The following EVA1C variants were observed in gnomAD, a reference collection of about 807,000 sequenced individuals.
EVA1C encodes protein eva-1 homolog C.
In EVA1C, 25 loss-of-function variants were observed where a neutral mutation model predicts 45.4. The observed-to-expected ratio is 0.55, with a 90% CI of 0.40 to 0.77. The LOEUF is 0.77. EVA1C is among the 30% of genes least tolerant of loss of function. The pLI, the probability that EVA1C is intolerant of heterozygous loss-of-function variation, is 0.00. For synonymous variants in EVA1C, 190 were observed against 221.2 expected (o/e 0.86, Z 1.25); for missense variants, 479 against 554.8 (o/e 0.86, Z 1.37).
At position 32,495,102 on chromosome 21, in the gene EVA1C, A is replaced by G. The variant is rs1291340956; in HGVS notation, c.710A>G (p.Asn237Ser). Residue 237 changes from asparagine (N) to serine (S), a missense_variant, in exon 5 of 8, where the codon AAC becomes AGC. This residue lies in a region of EVA1C where 366 missense variants were observed against 426.1 expected (regional missense o/e 0.86). Transcript: ENST00000300255. ...YGKQRCKIIV[N>S]NHHFGSPCLP... Reference sequence around the variant, plus strand: ...AAGCAGAGATGCAAAATCATCGTCAACAATCACCATTTTGGAAGCCCCTGT... The same window carrying G: ...AAGCAGAGATGCAAAATCATCGTCAGCAATCACCATTTTGGAAGCCCCTGT... 4 of 1,614,180 alleles carry G rather than the reference A, an allele frequency of 2.5e-6. No individual in the cohort carries two copies. Among genetic ancestry groups the G allele is most frequent in the Non-Finnish European group, 3.4e-6 (4 of 1,180,034 alleles).
intron 1 of EVA1C, among the ~76,000 whole-genome samples, chr21:32,447,916 G>A (rs2035423682): frequency 1.3e-5 from 2 of 152,088 alleles, no homozygotes; most frequent in South Asian, 4.1e-4. Context: ...TGTTAGTCAG[G>A]CTGGTTTTGA....
intron 1 of EVA1C, among the ~76,000 whole-genome samples, chr21:32,450,870 T>C (rs541694735): frequency 1.3e-5 from 2 of 152,330 alleles, no homozygotes; most frequent in South Asian, 4.1e-4. Flanking sequence ...CCCACACTCC[T>C]GGTGCCAATG....
intron 5 of EVA1C, among the ~76,000 whole-genome samples, chr21:32,499,001 A>G (rs539617941): frequency 6.6e-6 from 1 of 152,356 alleles, no homozygotes; most frequent in South Asian, 2.1e-4. Context: ...ATTTTCACAT[A>G]GTAGAAGGGC....
intron 1 of EVA1C, among the ~76,000 whole-genome samples, chr21:32,428,950 T>C (rs371045260): frequency 2.0e-5 from 3 of 152,234 alleles, no homozygotes; most frequent in African/African-American, 7.2e-5. Flanking sequence ...GAATTCTCAC[T>C]GCAGGGCATT....
chr21:32,471,316 C>G (rs2036362390), intron 4 of EVA1C, among the ~76,000 whole-genome samples: 1 of 136,988 alleles, frequency 7.3e-6, no homozygotes, highest in Non-Finnish European at 1.5e-5. Flanking sequence ...ACTCCCACTC[C>G]TTTTTTTCTT....
chr21:32,489,960 C>A (rs541741142), intron 4 of EVA1C, among the ~76,000 whole-genome samples: 2 of 152,230 alleles, frequency 1.3e-5, no homozygotes, highest in South Asian at 4.2e-4. Context: ...TGCCACCGCG[C>A]CTGGCTAATT....
At chr21:32,437,792 C>T (rs959885673) in intron 1 of EVA1C, among the ~76,000 whole-genome samples, 3 of 152,162 alleles carry the variant, frequency 2.0e-5, no homozygotes, top group Non-Finnish European at 2.9e-5. Context: ...GTGTTCATCT[C>T]GTGACGTACA....
Position 32,495,095 on chromosome 21 carries a change from A to T in EVA1C, c.703A>T (p.Ile235Phe). 6.2e-7 allele frequency: 1 copy of T among 1,614,166 alleles called. No homozygotes were observed. The highest frequency in any genetic ancestry group is 8.5e-7 in the Non-Finnish European group (1 of 1,180,036). ...RCYGKQRCKI[I>F]VNNHHFGSPC... ...CTATGGGAAGCAGAGATGCAAAATC[A>T]TCGTCAACAATCACCATTTTGGAAG... The change falls in exon 5 of 8, where the codon ATC (isoleucine) becomes TTC (phenylalanine). Residue 235 changes from isoleucine (I) to phenylalanine (F), a missense_variant. Ile to Phe is a conservative substitution (Grantham distance 21). Coordinates refer to ENST00000300255, the MANE Select transcript of EVA1C (RefSeq NM_058187.5).
At chr21:32,434,637 T>G (rs913308134) in intron 1 of EVA1C, among the ~76,000 whole-genome samples, 9 of 139,254 alleles carry the variant, frequency 6.5e-5, no homozygotes, top group African/African-American at 2.1e-4. Flanking sequence ...AATAAAATTT[T>G]ATATATATAT....
intron 4 of EVA1C, 72 bp downstream of exon 4, chr21:32,467,920 A>ATAT: frequency 2.3e-6 from 2 of 862,444 alleles, no homozygotes; most frequent in Non-Finnish European, 3.1e-6. Flanking sequence ...ATATATATAT[A>ATAT]TCCTATATAT....
chr21:32,465,217 A>G (rs919591171), intron 3 of EVA1C, among the ~76,000 whole-genome samples: 2 of 152,230 alleles, frequency 1.3e-5, no homozygotes, highest in African/African-American at 2.4e-5. Flanking sequence ...TCAAATCACA[A>G]TTTGGAAAAC....
At chr21:32,460,609 G>A (rs1286408656) in intron 3 of EVA1C, among the ~76,000 whole-genome samples, 1 of 152,170 alleles carries the variant, frequency 6.6e-6, no homozygotes, top group Admixed American at 6.5e-5. Context: ...GGAGACACAG[G>A]TGAGCACGTC....
intron 5 of EVA1C, among the ~76,000 whole-genome samples, chr21:32,500,402 CAGCCTCCCAA>C (rs898125661): frequency 6.6e-6 from 1 of 151,934 alleles, no homozygotes; most frequent in Non-Finnish European, 1.5e-5. Flanking sequence ...CCACCTGCCT[CAGCCTCCCAA>C]AGTGCTAGAA....
At chr21:32,438,808 G>C (rs1236088576) in intron 1 of EVA1C, among the ~76,000 whole-genome samples, 1 of 152,186 alleles carries the variant, frequency 6.6e-6, no homozygotes, top group African/African-American at 2.4e-5. Context: ...CAGCAACCAA[G>C]AGCTAGAAAA....
intron 3 of EVA1C, among the ~76,000 whole-genome samples, chr21:32,467,490 G>C (rs2036216184): frequency 6.6e-6 from 1 of 152,118 alleles, no homozygotes; most frequent in East Asian, 1.9e-4. Context: ...CAGGGTCTTT[G>C]CGCTTGTCAA....
At chr21:32,418,936 T>A (rs1187766787) in intron 1 of EVA1C, among the ~76,000 whole-genome samples, 4 of 143,586 alleles carry the variant, frequency 2.8e-5, no homozygotes, top group African/African-American at 5.2e-5. Flanking sequence ...GAAAAACATG[T>A]CAGAACTTCT....
Position 32,474,509 on chromosome 21 carries a change from C to T in EVA1C, c.634+6661C>T, listed in dbSNP as rs145531098. The stretch of plus-strand genomic sequence containing the variant: ...CCAGGCACCGGCCAGCATGGCACCT[C>T]GTCCCTGCAGTCCCTCTCTGGCGAC... On this transcript the variant is annotated intron_variant, in intron 4 of 7. Transcript: ENST00000300255. This position sits in a 1 kb window ranked among gnomAD's most constrained non-coding sequence, Gnocchi z 4.4. Among the ~76,000 whole-genome samples, 261 of 152,300 alleles carry T rather than the reference C, an allele frequency of 1.7e-3. No homozygotes were observed. Among genetic ancestry groups the T allele is most frequent in the African/African-American group, 6.0e-3 (251 of 41,552 alleles).
In EVA1C at chr21:32,474,246, G is replaced by A. The variant is rs891298232; in HGVS notation, c.634+6398G>A. ...TATTTAAATTAAACCAGAGCACACCGCACCTCCGCTTAAAGCCCTCCACTC... is the reference window on the plus strand; with the variant it reads ...TATTTAAATTAAACCAGAGCACACCACACCTCCGCTTAAAGCCCTCCACTC... On this transcript the variant is annotated intron_variant, in intron 4 of 7. Coordinates refer to ENST00000300255, the MANE Select transcript of EVA1C (RefSeq NM_058187.5). This position sits in a 1 kb window ranked among gnomAD's most constrained non-coding sequence, Gnocchi z 4.4. 5.9e-5 allele frequency among the ~76,000 whole-genome samples: 9 copies of A among 152,138 alleles called. No homozygotes were observed. Among genetic ancestry groups the A allele is most frequent in the South Asian group, 2.1e-4 (1 of 4,824 alleles).
At chr21:32,508,112 T>C (rs1447647836) in intron 7 of EVA1C, among the ~76,000 whole-genome samples, 1 of 152,232 alleles carries the variant, frequency 6.6e-6, no homozygotes, top group Non-Finnish European at 1.5e-5. Flanking sequence ...GCATGAGCCA[T>C]TGTCCCCTGG....
Sources: gnomAD v4.1 joint callset for allele counts (sites outside exome capture counted in the v4.1 genomes callset) on GRCh38, gnomAD v4.1.1 for gene constraint, gnomAD v4.1.1 regional missense constraint, Gnocchi (gnomAD v3.1) non-coding constraint, MANE v1.5 for transcripts, NCBI Gene and HGNC (gene_info 2026-07-23, HGNC 2026-07-21) for gene names.